Variants in TMOD3 observed in about 807,000 individuals in gnomAD.
TMOD3 encodes the protein tropomodulin 3.
A neutral mutation model predicts 39.2 loss-of-function variants in TMOD3; 20 were observed. The observed-to-expected ratio is 0.51, with a 90% confidence interval of 0.36 to 0.74. The LOEUF (loss-of-function observed/expected upper bound fraction) is 0.74, where lower values mean the gene tolerates loss of function less well. Ranked by LOEUF, TMOD3 falls within the 30% of genes least tolerant of loss-of-function variation. The probability of loss-of-function intolerance (pLI) is 0.00; values close to 1 mark genes in which losing one functional copy is unlikely to be tolerated. For synonymous variants in TMOD3, 143 were observed against 145.8 expected, an observed-to-expected ratio of 0.98 and a Z score of 0.14; for missense variants, 381 against 412.8, an observed-to-expected ratio of 0.92 and a Z score of 0.67.
intron 1 of TMOD3, chr15:51,861,082 T>G (rs960862293): frequency 3.2e-5 from 20 of 620,082 alleles, no homozygotes; most frequent in African/African-American, 2.2e-4. Context: ...ATGCGTGTTC[T>G]TCTCTGGATC....
intron 1 of TMOD3, chr15:51,859,814 G>A: frequency 2.0e-6 from 1 of 512,408 alleles, no homozygotes; most frequent in South Asian, 1.5e-5. Flanking sequence ...GCCACCTCTA[G>A]AGCTTTCCTC....
At position 51,869,209 on chromosome 15, in the gene TMOD3, T is replaced by G; in HGVS notation, c.127-8T>G. 6 of 1,612,796 alleles carry G rather than the reference T, an allele frequency of 3.7e-6. No homozygotes were observed. The highest frequency in any genetic ancestry group is 5.1e-6 in the Non-Finnish European group (6 of 1,179,552). ...TGGTCATATTGGCTGATTCATTCTC[T>G]CTGGCAGAATGCCCTTCTGCCTGCA... is the stretch of plus-strand genomic sequence containing the variant. On this transcript the variant is annotated splice_region_variant and splice_polypyrimidine_tract_variant and intron_variant, in intron 2 of 9. Coordinates refer to ENST00000308580, the MANE Select transcript of TMOD3 (RefSeq NM_014547.5).
intron 2 of TMOD3, 27 bp from the exon 3 acceptor site, chr15:51,869,190 T>C: frequency 6.2e-7 from 1 of 1,607,436 alleles, no homozygotes; most frequent in Non-Finnish European, 8.5e-7. Flanking sequence ...TTATTGGTCA[T>C]ATTGGCTGAT....
intron 9 of TMOD3, among the ~76,000 whole-genome samples, chr15:51,903,216 C>T (rs775649900): frequency 2.6e-5 from 4 of 152,230 alleles, no homozygotes; most frequent in Non-Finnish European, 5.9e-5. Flanking sequence ...TATTTAATTG[C>T]TTGAGGCTTG....
At chr15:51,832,982 A>G (rs1227694263) in intron 1 of TMOD3, among the ~76,000 whole-genome samples, 1 of 152,230 alleles carries the variant, frequency 6.6e-6, no homozygotes, top group African/African-American at 2.4e-5. Flanking sequence ...AAGCGCTATC[A>G]TCCCTTGGTC....
intron 8 of TMOD3, among the ~76,000 whole-genome samples, chr15:51,900,820 T>C (rs2056646434): frequency 1.3e-5 from 2 of 152,242 alleles, no homozygotes; most frequent in Non-Finnish European, 2.9e-5. Context: ...AACCCAGTGC[T>C]TCATAATCCA....
chr15:51,887,563 A>G (rs767803688), intron 3 of TMOD3, 26 bp from the exon 4 acceptor site: 1 of 1,606,686 alleles, frequency 6.2e-7, no homozygotes, highest in South Asian at 1.1e-5. Flanking sequence ...GTAGTAATGG[A>G]ATTAACAAAA....
chr15:51,835,591 G>T (rs576575259), intron 1 of TMOD3, among the ~76,000 whole-genome samples: 1 of 152,136 alleles, frequency 6.6e-6, no homozygotes, highest in Non-Finnish European at 1.5e-5. Flanking sequence ...TTACAGGCGT[G>T]AGCCACCACA....
At chr15:51,886,641 C>CAGAGGGAGACCGTGGAGAGAGAGGG (rs2056565590) in intron 3 of TMOD3, among the ~76,000 whole-genome samples, 1 of 151,804 alleles carries the variant, frequency 6.6e-6, no homozygotes, top group African/African-American at 2.4e-5. Context: ...GGCTGGGCAT[C>CAGAGGGAGACCGTGGAGAGAGAGGG]AGAGGGAGAC....
At chr15:51,904,246 T>G (rs1231913896) in intron 9 of TMOD3, among the ~76,000 whole-genome samples, 1 of 152,254 alleles carries the variant, frequency 6.6e-6, no homozygotes, top group African/African-American at 2.4e-5. Flanking sequence ...TTTTTTAAAT[T>G]GCCTTTTACT....
At chr15:51,837,747 A>G (rs2056293669) in intron 1 of TMOD3, among the ~76,000 whole-genome samples, 1 of 151,952 alleles carries the variant, frequency 6.6e-6, no homozygotes, top group South Asian at 2.1e-4. Context: ...CCCCATTATT[A>G]TTCCTTGTCA....
chr15:51,870,732 G>C (rs1284988201), intron 3 of TMOD3, among the ~76,000 whole-genome samples: 4 of 152,126 alleles, frequency 2.6e-5, no homozygotes, highest in African/African-American at 7.2e-5. Context: ...TTCATCTCTT[G>C]TTAAGGATCA....
chr15:51,858,442 A>T (rs1026359890), intron 1 of TMOD3: 13 of 152,092 alleles, frequency 8.5e-5, no homozygotes, highest in African/African-American at 3.1e-4. Context: ...AAAAAAAAAA[A>T]ATTCAAGATA....
chr15:51,847,802 G>A (rs2056343019), intron 1 of TMOD3, among the ~76,000 whole-genome samples: 2 of 151,472 alleles, frequency 1.3e-5, no homozygotes, highest in Non-Finnish European at 2.9e-5. Flanking sequence ...AATAAAATGG[G>A]CATTTTTTAG....
intron 1 of TMOD3, among the ~76,000 whole-genome samples, chr15:51,856,550 G>GA (rs556967266): frequency 3.4e-5 from 5 of 145,108 alleles, no homozygotes; most frequent in Admixed American, 6.8e-5. Flanking sequence ...GATAAGACTT[G>GA]AAAAAAAAAT....
At chr15:51,888,282 G>A (rs1566864335) in intron 4 of TMOD3, among the ~76,000 whole-genome samples, 1 of 152,172 alleles carries the variant, frequency 6.6e-6, no homozygotes, top group Admixed American at 6.5e-5. Flanking sequence ...TGTGATGCAT[G>A]GGGAGTTCTT....
In TMOD3 at chr15:51,915,256, C is replaced by T. The variant is rs2056728210; in HGVS notation, c.*6446C>T. The T allele has an allele frequency of 6.6e-6, 1 of 152,076 alleles. No homozygotes were observed. The highest frequency in any genetic ancestry group is 2.4e-5 in the African/African-American group (1 of 41,408). The allele number at this position is 152,076 out of a possible 1,614,324, so 9.4% of individuals were successfully genotyped here. On this transcript the variant is annotated 3_prime_UTR_variant, in exon 10 of 10. Coordinates refer to ENST00000308580, the MANE Select transcript of TMOD3 (RefSeq NM_014547.5). ...TTTAGAAGTTTAAATTTCACCTCTA[C>T]TCAGAAAGATAAGCTTTTGATTCAG...
rs1284385130 is a variant in TMOD3, at chr15:51,909,943, A to G, written c.*1133A>G. 1 of 152,254 alleles carries G rather than the reference A, an allele frequency of 6.6e-6. No individual in the cohort carries two copies. The highest frequency in any genetic ancestry group is 1.9e-4 in the East Asian group (1 of 5,204). The allele number at this position is 152,254 out of a possible 1,614,324, so 9.4% of individuals were successfully genotyped here. Reference sequence around the variant, plus strand: ...TTCCTTTCATCTTATACTTTTATCAATATTTATAAAAGTCATTTCTATAAT... The same window carrying G: ...TTCCTTTCATCTTATACTTTTATCAGTATTTATAAAAGTCATTTCTATAAT... On this transcript the variant is annotated 3_prime_UTR_variant, in exon 10 of 10. Transcript: ENST00000308580.
intron 3 of TMOD3, among the ~76,000 whole-genome samples, chr15:51,880,069 A>G (rs772063509): frequency 7.9e-5 from 12 of 152,156 alleles, no homozygotes; most frequent in Non-Finnish European, 1.3e-4. Flanking sequence ...TATAAGACTA[A>G]TTTAAATTAA....
Sources: gnomAD v4.1 joint callset for allele counts (sites outside exome capture counted in the v4.1 genomes callset) on GRCh38, gnomAD v4.1.1 for gene constraint, MANE v1.5 for transcripts, NCBI Gene and HGNC (gene_info 2026-07-23, HGNC 2026-07-21) for gene names.